OPCML: variants seen among roughly 807,000 people sequenced by gnomAD.
OPCML encodes the protein opioid binding protein/cell adhesion molecule like, also known as opioid-binding protein/cell adhesion molecule.
Under a neutral mutation model 37.8 loss-of-function variants are expected in OPCML, and 13 were observed. The ratio of observed to expected loss-of-function variants is 0.34; its 90% CI spans 0.22 to 0.55. The LOEUF is 0.55. Ranked by LOEUF, OPCML falls within the 20% of genes least tolerant of loss-of-function variation. The probability of loss-of-function intolerance (pLI) is 0.91; values close to 1 mark genes in which losing one functional copy is unlikely to be tolerated. For missense variants in OPCML, 341 were observed against 435.6 expected, an observed-to-expected ratio of 0.78 and a Z score of 1.93; for synonymous variants, 176 against 168.8, an observed-to-expected ratio of 1.04 and a Z score of -0.33.
At chr11:132,555,584 C>A (rs2096393602) in intron 3 of OPCML, among the ~76,000 whole-genome samples, 1 of 152,046 alleles carries the variant, frequency 6.6e-6, no homozygotes, top group African/African-American at 2.4e-5. Context: ...GGGAACCAGC[C>A]AATCTAAATT....
intron 1 of OPCML, among the ~76,000 whole-genome samples, chr11:133,516,963 G>A (rs573204167): frequency 6.6e-6 from 1 of 152,206 alleles, no homozygotes; most frequent in Non-Finnish European, 1.5e-5. Context: ...CCGTAGCAAC[G>A]GCATTGTACC....
Position 132,514,205 on chromosome 11 carries a change from G to C in OPCML, c.505+14856C>G, listed in dbSNP as rs974303876. Among the ~76,000 whole-genome samples, 26 of 152,118 alleles carry C rather than the reference G, an allele frequency of 1.7e-4. 1 individual carries two copies. The highest frequency in any genetic ancestry group is 6.3e-4 in the African/African-American group (26 of 41,408). On this transcript the variant is annotated intron_variant, in intron 4 of 7. Coordinates refer to ENST00000524381, the MANE Select transcript of OPCML (RefSeq NM_001012393.5). ...GTCAATAAATTTAAAGGATGATTTTGGTGATAATGATGATGACAATGAGGA... is the reference window on the plus strand; with the variant it reads ...GTCAATAAATTTAAAGGATGATTTTCGTGATAATGATGATGACAATGAGGA...
intron 1 of OPCML, among the ~76,000 whole-genome samples, chr11:133,140,852 AC>A (rs1427676952): frequency 1.0e-4 from 7 of 68,714 alleles, no homozygotes; most frequent in African/African-American, 2.7e-4. Context: ...GACGACGACG[AC>A]GAAGAAGACG....
At chr11:133,399,343 G>A (rs1400022460) in intron 1 of OPCML, among the ~76,000 whole-genome samples, 1 of 152,178 alleles carries the variant, frequency 6.6e-6, no homozygotes, top group Non-Finnish European at 1.5e-5. Flanking sequence ...CTAAGTGTAT[G>A]ACCTTGGGCA....
At chr11:132,643,104 C>T (rs1035266876) in intron 3 of OPCML, among the ~76,000 whole-genome samples, 3 of 151,576 alleles carry the variant, frequency 2.0e-5, no homozygotes, top group African/African-American at 7.3e-5. Flanking sequence ...TTCATTCCTA[C>T]CCTGTCTCTA....
At chr11:132,951,689 C>T (rs566883158) in intron 1 of OPCML, among the ~76,000 whole-genome samples, 5 of 152,330 alleles carry the variant, frequency 3.3e-5, no homozygotes, top group African/African-American at 1.2e-4. Flanking sequence ...TCACAAGTTT[C>T]TTCTCTGAAG....
chr11:133,351,917 C>T (rs1218025204), intron 1 of OPCML, among the ~76,000 whole-genome samples: 1 of 152,162 alleles, frequency 6.6e-6, no homozygotes, highest in East Asian at 1.9e-4. Context: ...AGCATCTTGA[C>T]TTTTTCTGTT....
chr11:133,067,822 AG>A (rs1948463540), intron 1 of OPCML: 1 of 152,162 alleles, frequency 6.6e-6, no homozygotes, highest in South Asian at 2.1e-4. Context: ...CTACTCCCAC[AG>A]TAAAATGCTG....
chr11:133,471,045 G>T (rs1947099945), intron 1 of OPCML, among the ~76,000 whole-genome samples: 1 of 152,192 alleles, frequency 6.6e-6, no homozygotes, highest in South Asian at 2.1e-4. Flanking sequence ...TACGAAGCAG[G>T]ATAAGACATG....
chr11:133,371,940 T>C (rs1256575644), intron 1 of OPCML, among the ~76,000 whole-genome samples: 1 of 152,158 alleles, frequency 6.6e-6, no homozygotes, highest in Non-Finnish European at 1.5e-5. Context: ...AAATATTGCA[T>C]GTTGTTACTT....
Position 132,532,068 on chromosome 11 carries a change from CATCG to C in OPCML, c.380-2886_380-2883del, listed in dbSNP as rs546194122. 4.0e-4 allele frequency among the ~76,000 whole-genome samples: 61 copies of C among 152,274 alleles called. 1 individual carries two copies. In the East Asian group the frequency reaches 9.1e-3, roughly 23 times the overall value. On this transcript the variant is annotated intron_variant, in intron 3 of 7. Coordinates refer to ENST00000524381, the MANE Select transcript of OPCML (RefSeq NM_001012393.5). Reference sequence around the variant, plus strand: ...AACTCAGAACTGTTCTTTCCACAGACATCGTATCTCATGCGATAGTGTGAAGGAT... The same window carrying C: ...AACTCAGAACTGTTCTTTCCACAGACTATCTCATGCGATAGTGTGAAGGAT...
chr11:132,761,338 T>C lies in OPCML; in HGVS notation c.147-104019A>G, dbSNP rs184559144. 7.4e-4 allele frequency among the ~76,000 whole-genome samples: 112 copies of C among 151,888 alleles called. 1 individual carries two copies. In the East Asian group the frequency reaches 0.018, roughly 25 times the overall value. On this transcript the variant is annotated intron_variant, in intron 2 of 7. Transcript: ENST00000524381. ...TGTGGTGTTCTCTGTATTTCCTTAA[T>C]GTGAATGTTGGCCTGTCTTGCTAGG... is the stretch of plus-strand genomic sequence containing the variant.
intron 3 of OPCML, among the ~76,000 whole-genome samples, chr11:132,534,667 C>G (rs2096335513): frequency 6.6e-6 from 1 of 152,172 alleles, no homozygotes; most frequent in Non-Finnish European, 1.5e-5. Flanking sequence ...GTTCTGAAGT[C>G]CAATAGACCT....
chr11:132,972,982 A>T (rs1163040651), intron 1 of OPCML, among the ~76,000 whole-genome samples: 1 of 152,154 alleles, frequency 6.6e-6, no homozygotes, highest in Non-Finnish European at 1.5e-5. Context: ...GTCTGAGAAG[A>T]GCCTCACACA....
intron 2 of OPCML, among the ~76,000 whole-genome samples, chr11:132,801,957 T>G (rs1388340698): frequency 1.3e-5 from 2 of 152,210 alleles, no homozygotes; most frequent in African/African-American, 4.8e-5. Flanking sequence ...TCCCAAATGC[T>G]GCTCTTGATT....
chr11:133,284,225 C>CT (rs1942237931), intron 1 of OPCML, among the ~76,000 whole-genome samples: 1 of 152,188 alleles, frequency 6.6e-6, no homozygotes, highest in African/African-American at 2.4e-5. Context: ...TACCGTGGCT[C>CT]TTTCAAATGG....
chr11:132,540,053 T>A (rs2096352225), intron 3 of OPCML, among the ~76,000 whole-genome samples: 1 of 152,192 alleles, frequency 6.6e-6, no homozygotes, highest in Non-Finnish European at 1.5e-5. Context: ...GAGAATAGAC[T>A]GAAGTTGAGC....
rs532549841 is a variant in OPCML at position 133,384,159 on chromosome 11, A to G, written c.61+148105T>C. Among the ~76,000 whole-genome samples, 56 of 149,478 alleles carry G rather than the reference A, an allele frequency of 3.7e-4. No individual in the cohort carries two copies. The South Asian group carries it at 4.5e-3, about 12-fold the overall frequency. On this transcript the variant is annotated intron_variant, in intron 1 of 7. Coordinates refer to ENST00000524381, the MANE Select transcript of OPCML (RefSeq NM_001012393.5). ...CAGCTATATGACTGAATTAGCAACA[A>G]TGTATCCAATTTCTGGGGACACCTT...
chr11:132,446,145 A>G (rs1482578617), intron 4 of OPCML, among the ~76,000 whole-genome samples: 1 of 71,990 alleles, frequency 1.4e-5, no homozygotes, highest in Non-Finnish European at 2.5e-5. Flanking sequence ...TGGGTTCATT[A>G]TGTGTGGGAA....
Sources: gnomAD v4.1 joint callset for allele counts (sites outside exome capture counted in the v4.1 genomes callset) on GRCh38, gnomAD v4.1.1 for gene constraint, MANE v1.5 for transcripts, NCBI Gene and HGNC (gene_info 2026-07-23, HGNC 2026-07-21) for gene names.